POLK: variants seen among roughly 807,000 people sequenced by gnomAD.
POLK encodes polymerase (DNA directed) kappa.
POLK carries 76 observed loss-of-function variants against 94.0 expected under a neutral mutation model. The ratio of observed to expected loss-of-function variants is 0.81; its 90% CI spans 0.67 to 0.98. The LOEUF is 0.98. Ranked by LOEUF, POLK falls within the 50% of genes least tolerant of loss-of-function variation. The pLI, the probability that POLK is intolerant of heterozygous loss-of-function variation, is 0.00. For missense variants in POLK, 954 were observed against 1,010.1 expected (o/e 0.94, Z 0.75); for synonymous variants, 349 against 325.4 (o/e 1.07, Z -0.78).
intron 4 of POLK, among the ~76,000 whole-genome samples, chr5:75,573,245 C>T (rs1771690140): frequency 6.6e-6 from 1 of 152,096 alleles, no homozygotes; most frequent in South Asian, 2.1e-4. Flanking sequence ...CCATCGTTCT[C>T]AGCAAACTAT....
chr5:75,533,802 C>T (rs747182795), intron 1 of POLK, among the ~76,000 whole-genome samples: 3 of 152,160 alleles, frequency 2.0e-5, no homozygotes, highest in Non-Finnish European at 4.4e-5. Context: ...AGAGCTATTT[C>T]ACCTCCCTTT....
intron 3 of POLK, among the ~76,000 whole-genome samples, chr5:75,559,509 TTTTGTTTTGTTTTG>T (rs1770847172): frequency 1.1e-4 from 16 of 142,576 alleles, no homozygotes; most frequent in South Asian, 4.6e-4. Context: ...GGGTTTGTTT[TTTTGTTTTGTTTTG>T]TTTTTTTTTT....
chr5:75,602,101 A>C (rs1773308384), downstream of POLK, among the ~76,000 whole-genome samples: 1 of 152,148 alleles, frequency 6.6e-6, no homozygotes, highest in African/African-American at 2.4e-5. Context: ...GGACATGCTT[A>C]ATTCTCCCAG....
chr5:75,609,255 TTTATA>T, the POLK span: 1 of 151,948 alleles, frequency 6.6e-6, no homozygotes, highest in Admixed American at 6.5e-5. Context: ...TTATTTTTTA[TTTATA>T]TTAAAAAAAA....
chr5:75,516,163 G>A (rs1192128094), intron 1 of POLK, among the ~76,000 whole-genome samples: 3 of 152,134 alleles, frequency 2.0e-5, no homozygotes, highest in Admixed American at 6.5e-5. Flanking sequence ...ATTTTCTCCT[G>A]TTCTGTGGGT....
intron 1 of POLK, among the ~76,000 whole-genome samples, chr5:75,523,702 C>T (rs1319547052): frequency 6.6e-6 from 1 of 152,084 alleles, no homozygotes; most frequent in African/African-American, 2.4e-5. Flanking sequence ...CCTTGGAAAG[C>T]CTTGGGTTTT....
At chr5:75,583,098 A>C (rs1168469744) in intron 7 of POLK, 195 bp from the exon 8 acceptor site, 2 of 431,534 alleles carry the variant, frequency 4.6e-6, no homozygotes, top group Non-Finnish European at 8.2e-6. Context: ...CAATGACTGT[A>C]ACTAGTACAA....
At chr5:75,603,797 A>C (rs1183138885), downstream of POLK, among the ~76,000 whole-genome samples, 1 of 152,080 alleles carries the variant, frequency 6.6e-6, no homozygotes, top group Non-Finnish European at 1.5e-5. Flanking sequence ...CACCTACATA[A>C]TTACTCATCT....
In POLK at chr5:75,584,720, C is replaced by T. The variant is rs755966865; in HGVS notation, c.1060-40C>T. The T allele has an allele frequency of 7.5e-6, 9 of 1,192,504 alleles. 1 individual carries two copies. Among genetic ancestry groups the T allele is most frequent in the Non-Finnish European group, 1.0e-5 (9 of 860,462 alleles). The allele number at this position is 1,192,504 out of a possible 1,614,324, so 73.9% of individuals were successfully genotyped here. ...GTTGTAATCTCAATTTTTAGCTTCACTTTAAAATCTATTAATAATAAATAT... is the reference window on the plus strand; with the variant it reads ...GTTGTAATCTCAATTTTTAGCTTCATTTTAAAATCTATTAATAATAAATAT... On this transcript the variant is annotated intron_variant, in intron 8 of 14. Transcript: ENST00000241436.
At chr5:75,546,230 A>G (rs1770013098) in intron 1 of POLK, among the ~76,000 whole-genome samples, 1 of 152,212 alleles carries the variant, frequency 6.6e-6, no homozygotes. Flanking sequence ...GTATTTTTAC[A>G]ATAAAGAAAG....
At chr5:75,581,211 A>C (rs757623079) in exon 7 of POLK, 2 of 1,591,242 alleles carry the variant, frequency 1.3e-6, no homozygotes, top group Non-Finnish European at 8.6e-7. Flanking sequence ...TGACTTAGAT[A>C]ATCCAGGAAA....
At chr5:75,516,647 A>G (rs1487301054) in intron 1 of POLK, among the ~76,000 whole-genome samples, 1 of 152,108 alleles carries the variant, frequency 6.6e-6, no homozygotes, top group Admixed American at 6.5e-5. Context: ...GCCAGGTAAC[A>G]GAGTGAGACC....
At chr5:75,573,833 C>T (rs1771727607) in exon 5 of POLK, 1 of 1,613,310 alleles carries the variant, frequency 6.2e-7, no homozygotes, top group Non-Finnish European at 8.5e-7. Context: ...TAATAGTGCC[C>T]CCCAACTTTG....
intron 3 of POLK, among the ~76,000 whole-genome samples, chr5:75,564,937 G>T (rs1263225605): frequency 6.6e-6 from 1 of 152,264 alleles, no homozygotes; most frequent in South Asian, 2.1e-4. Context: ...TTCTTGCTAG[G>T]TTGGGGAAGT....
rs200924478 is a variant in POLK, at chr5:75,599,086, T to TA, written c.*1084dup. 8.2e-3 allele frequency: 1,028 copies of TA among 125,178 alleles called. 29 individuals carry two copies. The East Asian group carries it at 0.11, about 13-fold the overall frequency. The allele number at this position is 125,178 out of a possible 1,614,324, so 7.8% of individuals were successfully genotyped here. A position where few individuals can be genotyped will look rare whatever the true frequency, so the allele number is the denominator to read the frequency against. ...TGAGACCCTGTCTCTACTAAAACGATAAAAAAAAAAAAAAAATTAGCCAGG... is the reference window on the plus strand; with the variant it reads ...TGAGACCCTGTCTCTACTAAAACGATAAAAAAAAAAAAAAAAATTAGCCAGG... On this transcript the variant is annotated 3_prime_UTR_variant, in exon 15 of 15. Transcript: ENST00000241436.
chr5:75,539,226 A>G (rs1769611794), intron 1 of POLK, among the ~76,000 whole-genome samples: 1 of 151,580 alleles, frequency 6.6e-6, no homozygotes, highest in Admixed American at 6.6e-5. Context: ...TTTTGGCTTA[A>G]TCACTCCAAG....
At chr5:75,598,228 A>G (rs372846673) in exon 15 of POLK, 73 of 288,676 alleles carry the variant, frequency 2.5e-4, no homozygotes, top group African/African-American at 1.1e-3. Context: ...TTATACATCA[A>G]TTGGAAATCA....
At chr5:75,526,220 C>T (rs902018631) in intron 1 of POLK, among the ~76,000 whole-genome samples, 1 of 151,410 alleles carries the variant, frequency 6.6e-6, no homozygotes, top group Non-Finnish European at 1.5e-5. Context: ...AGTGAGACTC[C>T]GTCTCTTAAA....
intron 1 of POLK, among the ~76,000 whole-genome samples, chr5:75,539,878 A>G (rs1769648093): frequency 6.6e-6 from 1 of 152,240 alleles, no homozygotes; most frequent in African/African-American, 2.4e-5. Flanking sequence ...ATATGAAGAA[A>G]TTATAGAAGA....
Sources: gnomAD v4.1 joint callset for allele counts (sites outside exome capture counted in the v4.1 genomes callset) on GRCh38, gnomAD v4.1.1 for gene constraint, MANE v1.5 for transcripts, NCBI Gene and HGNC (gene_info 2026-07-23, HGNC 2026-07-21) for gene names.